The following MYO1E variants were observed in gnomAD, a reference collection of about 807,000 sequenced individuals.
MYO1E encodes unconventional myosin-Ie.
A neutral mutation model predicts 151.1 loss-of-function variants in MYO1E; 68 were observed. The observed-to-expected ratio is 0.45, with a 90% confidence interval of 0.37 to 0.55. The LOEUF is 0.55. MYO1E is among the 20% of genes least tolerant of loss of function. MYO1E has a pLI of 0.00. For synonymous variants in MYO1E, 601 were observed against 501.7 expected, an observed-to-expected ratio of 1.20 and a Z score of -2.64; for missense variants, 1,363 against 1,389.3, an observed-to-expected ratio of 0.98 and a Z score of 0.30.
At chr15:59,345,944 A>G (rs75137598) in intron 1 of MYO1E, among the ~76,000 whole-genome samples, 3,088 of 152,320 alleles carry the variant, frequency 0.02, 49 homozygotes, top group African/African-American at 0.044. Context: ...TTTCTTTCTA[A>G]AAGACTTTCA....
At chr15:59,291,075 G>A (rs1461405421) in intron 1 of MYO1E, among the ~76,000 whole-genome samples, 2 of 152,206 alleles carry the variant, frequency 1.3e-5, no homozygotes, top group South Asian at 2.1e-4. Flanking sequence ...CAAACAGAGC[G>A]TTGTGCTCAC....
intron 26 of MYO1E, among the ~76,000 whole-genome samples, chr15:59,139,603 T>C (rs1274824083): frequency 6.6e-6 from 1 of 151,012 alleles, no homozygotes; most frequent in Non-Finnish European, 1.5e-5. Flanking sequence ...CATCCCTCAT[T>C]ATTACTCTGC....
intron 5 of MYO1E, among the ~76,000 whole-genome samples, chr15:59,233,744 CA>C (rs2080043323): frequency 6.9e-6 from 1 of 145,580 alleles, no homozygotes; most frequent in Non-Finnish European, 1.5e-5. Context: ...GGATCCAGTA[CA>C]ATCACAGGAA....
chr15:59,343,389 C>G (rs2080776501), intron 1 of MYO1E, among the ~76,000 whole-genome samples: 1 of 151,862 alleles, frequency 6.6e-6, no homozygotes, highest in Non-Finnish European at 1.5e-5. Flanking sequence ...CGTGTTGGAG[C>G]TCCATCATAT....
At chr15:59,147,125 T>A (rs1438552812) in intron 26 of MYO1E, among the ~76,000 whole-genome samples, 2 of 151,980 alleles carry the variant, frequency 1.3e-5, no homozygotes, top group Non-Finnish European at 2.9e-5. Flanking sequence ...CAGCTGACAT[T>A]TGAGTCCTCA....
At chr15:59,202,169 G>A (rs528571863) in intron 16 of MYO1E, among the ~76,000 whole-genome samples, 157 bp downstream of exon 16, 7 of 152,228 alleles carry the variant, frequency 4.6e-5, no homozygotes, top group African/African-American at 1.7e-4. Context: ...CTTGCATCCT[G>A]GAACCTTGTA....
chr15:59,299,697 C>A (rs1003266520), intron 1 of MYO1E, among the ~76,000 whole-genome samples: 4 of 152,214 alleles, frequency 2.6e-5, no homozygotes, highest in African/African-American at 4.8e-5. Flanking sequence ...ACCAGGTAAG[C>A]TGAGAAGACT....
At chr15:59,209,037 G>C (rs2079859679) in intron 13 of MYO1E, 189 bp from the exon 14 acceptor site, 1 of 694,768 alleles carries the variant, frequency 1.4e-6, no homozygotes, top group East Asian at 2.7e-5. Context: ...GATCTAAAGA[G>C]GGAGGAAACT....
intron 18 of MYO1E, among the ~76,000 whole-genome samples, chr15:59,179,497 C>T (rs772148720): frequency 2.6e-5 from 4 of 152,118 alleles, no homozygotes; most frequent in Admixed American, 1.3e-4. Context: ...CTGGCTAATG[C>T]GGATGGGTGC....
chr15:59,264,302 C>T (rs183191491), intron 2 of MYO1E, among the ~76,000 whole-genome samples: 3 of 152,298 alleles, frequency 2.0e-5, no homozygotes, highest in Admixed American at 2.0e-4. Context: ...AGGTCACACA[C>T]TATAAGTGGC....
intron 18 of MYO1E, among the ~76,000 whole-genome samples, chr15:59,179,664 G>T (rs1341018110): frequency 1.3e-5 from 2 of 152,160 alleles, no homozygotes; most frequent in African/African-American, 4.8e-5. Flanking sequence ...CGTCAGAGAT[G>T]GGATTTGAAT....
chr15:59,328,746 C>T (rs982662760), intron 1 of MYO1E, among the ~76,000 whole-genome samples: 3 of 152,036 alleles, frequency 2.0e-5, no homozygotes, highest in African/African-American at 7.2e-5. Flanking sequence ...TGGTGTGGAG[C>T]ATGCAAGGCC....
intron 25 of MYO1E, among the ~76,000 whole-genome samples, chr15:59,156,734 T>C (rs756588656): frequency 1.3e-5 from 2 of 152,238 alleles, no homozygotes; most frequent in African/African-American, 2.4e-5. Context: ...CTATCAGACT[T>C]AGAATTCTAA....
At chr15:59,210,891 A>T (rs2140340476) in intron 12 of MYO1E, among the ~76,000 whole-genome samples, 1 of 152,222 alleles carries the variant, frequency 6.6e-6, no homozygotes, top group South Asian at 2.1e-4. Flanking sequence ...GTTACAAAAA[A>T]ATCACAAAAC....
chr15:59,267,183 G>A (rs71480511), intron 2 of MYO1E, among the ~76,000 whole-genome samples: 5 of 141,406 alleles, frequency 3.5e-5, no homozygotes, highest in East Asian at 2.1e-4. Flanking sequence ...GCGCCACTAC[G>A]CCCGGCTAAT....
At chr15:59,212,694 G>C (rs2079886567) in intron 12 of MYO1E, 1 of 152,058 alleles carries the variant, frequency 6.6e-6, no homozygotes, top group Non-Finnish European at 1.5e-5. Context: ...TGTATTTCCA[G>C]TCATCATGGC....
intron 4 of MYO1E, among the ~76,000 whole-genome samples, chr15:59,249,350 G>T (rs1203287455): frequency 1.3e-5 from 2 of 151,720 alleles, no homozygotes; most frequent in African/African-American, 2.4e-5. Flanking sequence ...ACTTGTACCT[G>T]GGAGGCAGAG....
intron 2 of MYO1E, among the ~76,000 whole-genome samples, chr15:59,261,924 G>A (rs917059701): frequency 2.0e-5 from 3 of 152,170 alleles, no homozygotes; most frequent in Non-Finnish European, 2.9e-5. Flanking sequence ...TTCATCAGCC[G>A]GGCGTGATGG....
chr15:59,176,560 C>T (rs888859355), intron 19 of MYO1E, among the ~76,000 whole-genome samples: 1 of 151,104 alleles, frequency 6.6e-6, no homozygotes, highest in Non-Finnish European at 1.5e-5. Context: ...CTCCTGGGCT[C>T]AAGTGATCCT....
Sources: gnomAD v4.1 joint callset for allele counts (sites outside exome capture counted in the v4.1 genomes callset) on GRCh38, gnomAD v4.1.1 for gene constraint, MANE v1.5 for transcripts, NCBI Gene and HGNC (gene_info 2026-07-23, HGNC 2026-07-21) for gene names.